The following HS6ST3 variants were observed in gnomAD, a reference collection of about 807,000 sequenced individuals.
HS6ST3 encodes heparan-sulfate 6-O-sulfotransferase 3.
A neutral mutation model predicts 36.7 loss-of-function variants in HS6ST3; 12 were observed. The ratio of observed to expected loss-of-function variants is 0.33; its 90% confidence interval spans 0.21 to 0.53. The LOEUF is 0.53. HS6ST3 is among the 20% of genes least tolerant of loss of function. The pLI is 0.95. For synonymous variants in HS6ST3, 240 were observed against 257.5 expected, an observed-to-expected ratio of 0.93 and a Z score of 0.65; for missense variants, 584 against 640.9, an observed-to-expected ratio of 0.91 and a Z score of 0.96.
At chr13:96,273,467 A>G (rs763838812) in intron 1 of HS6ST3, among the ~76,000 whole-genome samples, 2 of 151,940 alleles carry the variant, frequency 1.3e-5, no homozygotes, top group African/African-American at 2.4e-5. Flanking sequence ...CAACCAGACC[A>G]CTTTTGAGAC....
chr13:96,318,965 C>T (rs2054990480), intron 1 of HS6ST3, among the ~76,000 whole-genome samples: 2 of 152,152 alleles, frequency 1.3e-5, no homozygotes, highest in Admixed American at 1.3e-4. Flanking sequence ...AAAAAATAGC[C>T]TTATTAAGAT....
intron 1 of HS6ST3, among the ~76,000 whole-genome samples, chr13:96,161,715 A>T (rs1014585329): frequency 6.6e-6 from 1 of 152,202 alleles, no homozygotes; most frequent in Non-Finnish European, 1.5e-5. Context: ...GAATGATTAT[A>T]AAACCAACAA....
intron 1 of HS6ST3, among the ~76,000 whole-genome samples, chr13:96,671,927 T>C (rs1178246885): frequency 6.6e-6 from 1 of 152,114 alleles, no homozygotes; most frequent in Non-Finnish European, 1.5e-5. Flanking sequence ...CACTAATACC[T>C]AAAAACAAAA....
Position 96,680,327 on chromosome 13 carries a change from T to C in HS6ST3, c.708-152163T>C, listed in dbSNP as rs528482486. ...AAAAAGATGTTGTAGTGCAGCCCAG[T>C]CCTGCAATTGGATATGTGGAACCTG... On this transcript the variant is annotated intron_variant, in intron 1 of 1. Transcript: ENST00000376705. 2.6e-5 allele frequency among the ~76,000 whole-genome samples: 4 copies of C among 152,186 alleles called. No individual in the cohort carries two copies. The South Asian group carries it at 8.3e-4, about 32-fold the overall frequency.
At position 96,442,025 on chromosome 13, in the gene HS6ST3, G is replaced by GTT. The variant is rs1209849943; in HGVS notation, c.707+350469_707+350470dup. Among the ~76,000 whole-genome samples, 873 of 143,280 alleles carry GTT rather than the reference G, an allele frequency of 6.1e-3. 8 individuals carry two copies. The highest frequency in any genetic ancestry group is 0.021 in the African/African-American group (822 of 39,300). The allele number at this position is 143,280 out of a possible 152,430, so 94.0% of individuals were successfully genotyped here. On this transcript the variant is annotated intron_variant, in intron 1 of 1. Coordinates refer to ENST00000376705, the MANE Select transcript of HS6ST3 (RefSeq NM_153456.4). ...GTGGGCTGATCAGAATGATAATATAGTTTTTTTTTTTTTTCAGACAGAGTC... is the reference window on the plus strand; with the variant it reads ...GTGGGCTGATCAGAATGATAATATAGTTTTTTTTTTTTTTTTCAGACAGAGTC...
chr13:96,765,060 CTTTTT>C (rs11423735), intron 1 of HS6ST3, among the ~76,000 whole-genome samples: 1 of 93,910 alleles, frequency 1.1e-5, no homozygotes, highest in Non-Finnish European at 2.0e-5. Context: ...TTGTTTCTTT[CTTTTT>C]TTTTTTTTTT....
chr13:96,144,677 CA>C (rs1298566339), intron 1 of HS6ST3, among the ~76,000 whole-genome samples: 2 of 151,184 alleles, frequency 1.3e-5, no homozygotes, highest in African/African-American at 4.9e-5. Flanking sequence ...TTTTAGGGTA[CA>C]TGTGCACAAC....
In HS6ST3 at chr13:96,285,466, A is replaced by G. The variant is rs74452429; in HGVS notation, c.707+193897A>G. Among the ~76,000 whole-genome samples the G allele has an allele frequency of 9.1e-3, 1,381 of 152,284 alleles. 26 individuals carry two copies. The highest frequency in any genetic ancestry group is 0.032 in the African/African-American group (1,326 of 41,570). ...TTGAGAGGATGGAAAATATGGTCAC[A>G]TATGTGATTTAATAAAGCTGTACAG... On this transcript the variant is annotated intron_variant, in intron 1 of 1. Transcript: ENST00000376705.
intron 1 of HS6ST3, among the ~76,000 whole-genome samples, chr13:96,153,718 CA>C (rs1279301410): frequency 6.6e-6 from 1 of 152,152 alleles, no homozygotes; most frequent in Non-Finnish European, 1.5e-5. Flanking sequence ...AATTATGTTT[CA>C]AATTATAGTA....
chr13:96,446,188 G>GT (rs1013031979), intron 1 of HS6ST3, among the ~76,000 whole-genome samples: 2 of 150,208 alleles, frequency 1.3e-5, no homozygotes, highest in Admixed American at 6.6e-5. Context: ...AAAAAAAAAA[G>GT]TTTTTTTAAG....
intron 1 of HS6ST3, among the ~76,000 whole-genome samples, chr13:96,105,489 A>T: frequency 6.6e-6 from 1 of 152,030 alleles, no homozygotes; most frequent in Non-Finnish European, 1.5e-5. Flanking sequence ...TGTCTCTACT[A>T]AAAATACAAA....
chr13:96,297,663 T>C (rs2139402013), intron 1 of HS6ST3, among the ~76,000 whole-genome samples: 2 of 152,228 alleles, frequency 1.3e-5, no homozygotes, highest in Middle Eastern at 3.4e-3. Flanking sequence ...AGTATAGTTC[T>C]CCTCTCCCTC....
chr13:96,564,355 CT>C (rs2056273306), intron 1 of HS6ST3, among the ~76,000 whole-genome samples: 2 of 152,148 alleles, frequency 1.3e-5, no homozygotes, highest in Admixed American at 6.5e-5. Context: ...TTGTGGTGAA[CT>C]GCTATAATCT....
chr13:96,655,183 T>A (rs969767845), intron 1 of HS6ST3, among the ~76,000 whole-genome samples: 1 of 152,140 alleles, frequency 6.6e-6, no homozygotes, highest in Non-Finnish European at 1.5e-5. Flanking sequence ...TTCCTTATTT[T>A]ATGCTTTTCA....
chr13:96,292,518 T>C (rs1442863726), intron 1 of HS6ST3, among the ~76,000 whole-genome samples: 3 of 152,174 alleles, frequency 2.0e-5, no homozygotes, highest in Non-Finnish European at 4.4e-5. Context: ...TTTTGTAATC[T>C]ATGCAAGGAA....
chr13:96,510,393 G>A (rs1027845887), intron 1 of HS6ST3, among the ~76,000 whole-genome samples: 2 of 152,010 alleles, frequency 1.3e-5, no homozygotes, highest in Admixed American at 1.3e-4. Context: ...CTCTGGCTAG[G>A]ACTTCCAGAA....
intron 1 of HS6ST3, among the ~76,000 whole-genome samples, chr13:96,108,952 CCTATCT>C (rs145081903): frequency 0.01 from 1,485 of 147,908 alleles, 14 homozygotes; most frequent in African/African-American, 0.027. Flanking sequence ...GACAACCACT[CCTATCT>C]CTATCTCTAT....
intron 1 of HS6ST3, among the ~76,000 whole-genome samples, chr13:96,415,489 C>CAAATTT (rs1266060710): frequency 1.3e-5 from 2 of 152,132 alleles, no homozygotes; most frequent in Admixed American, 1.3e-4. Flanking sequence ...TGAAACACAC[C>CAAATTT]ATTTTGAACG....
At chr13:96,168,385 C>A (rs2054170892) in intron 1 of HS6ST3, among the ~76,000 whole-genome samples, 1 of 152,150 alleles carries the variant, frequency 6.6e-6, no homozygotes, top group African/African-American at 2.4e-5. Context: ...GTTGCCTATA[C>A]TCCCTTAGAG....
Sources: gnomAD v4.1 joint callset for allele counts (sites outside exome capture counted in the v4.1 genomes callset) on GRCh38, gnomAD v4.1.1 for gene constraint, MANE v1.5 for transcripts, NCBI Gene and HGNC (gene_info 2026-07-23, HGNC 2026-07-21) for gene names.